CPNE4: variants seen among roughly 807,000 people sequenced by gnomAD.
The protein encoded by CPNE4 is copine 4.
In CPNE4, 25 loss-of-function variants were observed where a neutral mutation model predicts 67.9. The ratio of observed to expected loss-of-function variants is 0.37; its 90% CI spans 0.27 to 0.51. The LOEUF is 0.51. CPNE4 is among the 20% of genes least tolerant of loss of function. CPNE4 has a pLI of 0.93. For synonymous variants in CPNE4, 242 were observed against 244.9 expected, an observed-to-expected ratio of 0.99 and a Z score of 0.11; for missense variants, 464 against 690.8, an observed-to-expected ratio of 0.67 and a Z score of 3.68.
intron 2 of CPNE4, among the ~76,000 whole-genome samples, chr3:131,778,787 C>T (rs1423548633): frequency 6.6e-6 from 1 of 151,916 alleles, no homozygotes; most frequent in African/African-American, 2.4e-5. Context: ...TAGGGTAATA[C>T]AAAACCGGTG....
chr3:131,905,462 A>G lies in CPNE4; in HGVS notation c.-1-18T>C. Reference sequence around the variant, plus strand: ...TCTTCATTCTGTTTTAGGCAAGTAAAAGAATAAAAAAGAAGTGCCAATCAC... The same window carrying G: ...TCTTCATTCTGTTTTAGGCAAGTAAGAGAATAAAAAAGAAGTGCCAATCAC... On this transcript the variant is annotated intron_variant, in intron 1 of 15. Transcript: ENST00000429747. 1 of 1,595,266 alleles carries G rather than the reference A, an allele frequency of 6.3e-7. No individual in the cohort carries two copies. Among genetic ancestry groups the G allele is most frequent in the Non-Finnish European group, 8.6e-7 (1 of 1,169,240 alleles).
At chr3:131,931,116 T>C (rs2071046554) in intron 1 of CPNE4, among the ~76,000 whole-genome samples, 1 of 152,106 alleles carries the variant, frequency 6.6e-6, no homozygotes, top group Non-Finnish European at 1.5e-5. Context: ...TCAATTTCAG[T>C]CAGGGAAGTT....
At chr3:131,679,873 C>A (rs2080694276) in intron 6 of CPNE4, among the ~76,000 whole-genome samples, 2 of 152,026 alleles carry the variant, frequency 1.3e-5, no homozygotes, top group African/African-American at 4.8e-5. Context: ...AGAGTAAGTG[C>A]CATGTGGTGG....
At chr3:131,943,309 C>T (rs2071454311) in intron 1 of CPNE4, among the ~76,000 whole-genome samples, 1 of 152,200 alleles carries the variant, frequency 6.6e-6, no homozygotes, top group South Asian at 2.1e-4. Context: ...AGCTTTACTG[C>T]AAATGGGTTT....
rs930800444 is a variant in CPNE4, at chr3:131,695,492, A to T, written c.507+1050T>A. On this transcript the variant is annotated intron_variant, in intron 5 of 15. Transcript: ENST00000429747. ...AGGTACTTAAGAGCATACTAAGTGT[A>T]GAGAAACCATTATAAGCCATTAAGC... is the stretch of plus-strand genomic sequence containing the variant. Among the ~76,000 whole-genome samples the T allele has an allele frequency of 3.3e-5, 5 of 152,354 alleles. No individual in the cohort carries two copies. The South Asian group carries it at 1.0e-3, about 32-fold the overall frequency.
intron 2 of CPNE4, among the ~76,000 whole-genome samples, chr3:131,780,574 G>A (rs2107852988): frequency 6.6e-6 from 1 of 152,172 alleles, no homozygotes; most frequent in South Asian, 2.1e-4. Flanking sequence ...ATTAATGCAG[G>A]AACAGAAAAC....
At chr3:131,774,818 T>C (rs1221391420) in intron 2 of CPNE4, among the ~76,000 whole-genome samples, 1 of 152,180 alleles carries the variant, frequency 6.6e-6, no homozygotes, top group African/African-American at 2.4e-5. Flanking sequence ...ATGCTTCTCC[T>C]GATTACAACT....
chr3:131,581,870 C>A (rs562281953), intron 8 of CPNE4, among the ~76,000 whole-genome samples: 7 of 152,278 alleles, frequency 4.6e-5, no homozygotes, highest in African/African-American at 1.4e-4. Flanking sequence ...TGAACCCCAG[C>A]AACTCCGCTT....
intron 2 of CPNE4, among the ~76,000 whole-genome samples, chr3:131,832,438 A>G (rs1420996429): frequency 6.6e-6 from 1 of 152,132 alleles, no homozygotes; most frequent in Non-Finnish European, 1.5e-5. Flanking sequence ...CTCTGCCAGA[A>G]CTTTGCAGGT....
At chr3:131,859,256 T>C (rs2107662771) in intron 2 of CPNE4, among the ~76,000 whole-genome samples, 1 of 152,192 alleles carries the variant, frequency 6.6e-6, no homozygotes, top group Middle Eastern at 3.4e-3. Context: ...AATATGAGAA[T>C]TTATATGGTA....
intron 7 of CPNE4, among the ~76,000 whole-genome samples, chr3:131,652,009 T>A (rs1327531141): frequency 6.6e-6 from 1 of 152,210 alleles, no homozygotes; most frequent in Non-Finnish European, 1.5e-5. Context: ...CATAGGCTTC[T>A]CCCATGCTCT....
chr3:131,716,014 T>C (rs900424636), intron 3 of CPNE4, among the ~76,000 whole-genome samples: 3 of 152,216 alleles, frequency 2.0e-5, no homozygotes, highest in African/African-American at 7.2e-5. Context: ...GAATGGTCAA[T>C]TCTCCTTGAG....
intron 2 of CPNE4, among the ~76,000 whole-genome samples, chr3:131,761,761 G>A (rs1324304272): frequency 2.0e-5 from 3 of 152,052 alleles, no homozygotes; most frequent in East Asian, 1.9e-4. Context: ...GATGTCTTGG[G>A]TTAACTCTCA....
intron 11 of CPNE4, among the ~76,000 whole-genome samples, chr3:131,563,528 A>G (rs1425496433): frequency 6.6e-6 from 1 of 152,090 alleles, no homozygotes; most frequent in African/African-American, 2.4e-5. Flanking sequence ...AAGAATAAAT[A>G]GAACATTGAT....
chr3:131,945,667 T>A (rs181859570), intron 1 of CPNE4, among the ~76,000 whole-genome samples: 1 of 152,302 alleles, frequency 6.6e-6, no homozygotes, highest in Non-Finnish European at 1.5e-5. Flanking sequence ...TCTTTCTACC[T>A]ACTCTGTTCT....
intron 7 of CPNE4, among the ~76,000 whole-genome samples, chr3:131,607,790 C>A (rs972087004): frequency 1.3e-5 from 2 of 152,098 alleles, no homozygotes; most frequent in Non-Finnish European, 2.9e-5. Context: ...AGAAGTTAAA[C>A]CGTTTTTGCT....
intron 1 of CPNE4, among the ~76,000 whole-genome samples, chr3:131,918,690 C>A (rs1024434630): frequency 6.6e-6 from 1 of 152,070 alleles, no homozygotes; most frequent in Non-Finnish European, 1.5e-5. Context: ...TTAAAAGGAA[C>A]AATGGTAGAC....
At position 131,943,320 on chromosome 3, in the gene CPNE4, G is replaced by A. The variant is rs75738132; in HGVS notation, c.-1-37876C>T. Among the ~76,000 whole-genome samples the A allele has an allele frequency of 7.5e-3, 1,135 of 152,154 alleles. 19 individuals are homozygous for A. In the East Asian group the frequency reaches 0.092, roughly 12 times the overall value. On this transcript the variant is annotated intron_variant, in intron 1 of 15. Transcript: ENST00000429747. ...TTCAAGCTTTACTGCAAATGGGTTT[G>A]GAGAAACTTTTTGGTTTCAGAATTT...
intron 1 of CPNE4, among the ~76,000 whole-genome samples, chr3:132,032,427 G>A (rs986241425): frequency 2.6e-5 from 4 of 152,170 alleles, no homozygotes; most frequent in African/African-American, 9.7e-5. Flanking sequence ...ATACAAAACT[G>A]CCCAGGATTA....
Sources: gnomAD v4.1 joint callset for allele counts (sites outside exome capture counted in the v4.1 genomes callset) on GRCh38, gnomAD v4.1.1 for gene constraint, MANE v1.5 for transcripts, NCBI Gene and HGNC (gene_info 2026-07-23, HGNC 2026-07-21) for gene names.